The following COL4A5 variants were observed in gnomAD, a reference collection of about 807,000 sequenced individuals.
COL4A5 encodes the protein collagen alpha-5(IV) chain.
COL4A5 carries 26 observed loss-of-function variants against 130.2 expected under a neutral mutation model. The observed-to-expected ratio is 0.20, with a 90% CI of 0.15 to 0.28. COL4A5 has a LOEUF of 0.28. Ranked by LOEUF, COL4A5 falls within the 10% of genes least tolerant of loss-of-function variation. The pLI is 1.00. For missense variants in COL4A5, 1,131 were observed against 1,344.3 expected (o/e 0.84, Z 2.48); for synonymous variants, 496 against 439.6 (o/e 1.13, Z -1.60).
chrX:108,623,438 A>AT (rs761148320), intron 33 of COL4A5, among the ~76,000 whole-genome samples: 17 of 83,344 alleles, frequency 2.0e-4, no homozygotes, highest in Non-Finnish European at 4.4e-4. Context: ...GGGGTTTTCA[A>AT]TAAAAAAAAA....
At position 108,670,233 on chromosome X, in the gene COL4A5, A is replaced by G. The variant is rs772399584; in HGVS notation, c.3796A>G (p.Thr1266Ala). ...GAACTTTGATCCCTATCCAGGTCCT[A>G]CAGGTTAGCTCCTTAACTCCAAAGT... ...PQGPPGRPGP[T>A]GFQGLPGPEG... Residue 1266 changes from threonine to alanine, a missense_variant, in exon 42 of 53, where the codon ACA becomes GCA. Thr to Ala is a moderately conservative substitution (Grantham distance 58). Transcript: ENST00000328300. 9.1e-6 allele frequency: 11 copies of G among 1,209,179 alleles called. No individual in the cohort carries two copies. The African/African-American group carries it at 1.6e-4, about 17-fold the overall frequency.
At chrX:108,655,134 A>G (rs1284708694) in intron 36 of COL4A5, among the ~76,000 whole-genome samples, 197 bp from the exon 37 acceptor site, 1 of 111,995 alleles carries the variant, frequency 8.9e-6, no homozygotes, top group Admixed American at 9.5e-5. Flanking sequence ...GCTTCTCAAG[A>G]TTCAGTTTTC....
In COL4A5 at chrX:108,552,617, T is replaced by C. The variant is rs895831724; in HGVS notation, c.142-6447T>C. The stretch of plus-strand genomic sequence containing the variant: ...CTCATACCCTGAAAACTACAAAAAA[T>C]ATTGCGGTGAGAAATAAAAGAAGAC... On this transcript the variant is annotated intron_variant, in intron 2 of 52. Coordinates refer to ENST00000328300, the MANE Select transcript of COL4A5 (RefSeq NM_033380.3). Among the ~76,000 whole-genome samples, 6 of 111,642 alleles carry C rather than the reference T, an allele frequency of 5.4e-5. No individual in the cohort carries two copies. In the Admixed American group the frequency reaches 5.7e-4, roughly 11 times the overall value.
At position 108,680,807 on chromosome X, in the gene COL4A5, T is replaced by C. The variant is rs2068412164; in HGVS notation, c.4015+56T>C. The stretch of plus-strand genomic sequence containing the variant: ...TATATTAAACTCCTCTGGGACAAGA[T>C]AGCCATTTTCTGATTTGACTGGGTA... On this transcript the variant is annotated intron_variant, in intron 45 of 52. Coordinates refer to ENST00000328300, the MANE Select transcript of COL4A5 (RefSeq NM_033380.3). The C allele has an allele frequency of 4.2e-6, 5 of 1,182,803 alleles. No homozygotes were observed. In the African/African-American group the frequency reaches 7.1e-5, roughly 17 times the overall value.
rs1047277363 is a variant in COL4A5, at chrX:108,557,060, G to C, written c.142-2004G>C. ...TTATTCCTCTCTTATCTGTAGGCGA[G>C]ATAGCAGTTTTGCTTCTGAGAAAAT... On this transcript the variant is annotated intron_variant, in intron 2 of 52. Coordinates refer to ENST00000328300, the MANE Select transcript of COL4A5 (RefSeq NM_033380.3). Among the ~76,000 whole-genome samples the C allele has an allele frequency of 2.7e-5, 3 of 111,527 alleles. No homozygotes were observed. The East Asian group carries it at 8.4e-4, about 31-fold the overall frequency.
chrX:108,626,712 A>G, intron 36 of COL4A5: 1 of 910,754 alleles, frequency 1.1e-6, no homozygotes, highest in Non-Finnish European at 1.4e-6. Flanking sequence ...AAAGACTTAT[A>G]AACAAAGTGA....
At chrX:108,481,199 G>A (rs2064886629) in intron 1 of COL4A5, among the ~76,000 whole-genome samples, 1 of 111,205 alleles carries the variant, frequency 9.0e-6, no homozygotes, top group Non-Finnish European at 1.9e-5. Context: ...TGGGTCCCCT[G>A]GAATCAACAT....
At chrX:108,607,577 A>G (rs1329775351) in intron 29 of COL4A5, among the ~76,000 whole-genome samples, 1 of 92,462 alleles carries the variant, frequency 1.1e-5, no homozygotes. Flanking sequence ...TCCACCTCCC[A>G]GGTTCAAGCA....
At chrX:108,513,805 A>G (rs938570747) in intron 1 of COL4A5, among the ~76,000 whole-genome samples, 30 of 110,865 alleles carry the variant, frequency 2.7e-4, no homozygotes, top group African/African-American at 9.9e-4. Context: ...TTTGTTTTTT[A>G]TATGTTTGTT....
chrX:108,461,461 A>G (rs2064650837), intron 1 of COL4A5, among the ~76,000 whole-genome samples: 1 of 112,119 alleles, frequency 8.9e-6, no homozygotes, highest in Non-Finnish European at 1.9e-5. Flanking sequence ...TCAGGTTCCA[A>G]TTTAAGTTGG....
Position 108,620,274 on chromosome X carries a change from C to G in COL4A5, c.2525C>G (p.Pro842Arg). ...PIGQPGLHGI[P>R]GEKGDPGPPG... ...TATTAACTAGGTTTACATGGAATAC[C>G]AGGAGAGAAGGGGGATCCAGGACCT... The change falls in exon 31 of 53, where the codon CCA becomes CGA. Residue 842 changes from proline to arginine, a missense_variant. Transcript: ENST00000328300. The G allele has an allele frequency of 8.3e-7, 1 of 1,207,250 alleles. No individual in the cohort carries two copies. Among genetic ancestry groups the G allele is most frequent in the Non-Finnish European group, 1.1e-6 (1 of 892,502 alleles).
intron 1 of COL4A5, among the ~76,000 whole-genome samples, chrX:108,487,140 C>A (rs1425420179): frequency 4.5e-5 from 5 of 110,724 alleles, no homozygotes; most frequent in African/African-American, 1.6e-4. Context: ...GCCTGTAATC[C>A]CAGCACTTTG....
At chrX:108,628,082 T>G (rs1057112022) in intron 36 of COL4A5, among the ~76,000 whole-genome samples, 2 of 110,850 alleles carry the variant, frequency 1.8e-5, no homozygotes, top group Non-Finnish European at 3.8e-5. Context: ...TTGACAAACT[T>G]TCTTTATCAG....
At chrX:108,507,139 T>A (rs1391409782) in intron 1 of COL4A5, among the ~76,000 whole-genome samples, 1 of 106,372 alleles carries the variant, frequency 9.4e-6, no homozygotes, top group African/African-American at 3.5e-5. Context: ...ACACTGTTCC[T>A]ACTGAAACTA....
Position 108,681,898 on chromosome X carries a change from C to T in COL4A5, c.4216+10C>T, listed in dbSNP as rs759735924. ...CCTCAAGGCTTACCAGGTACCAATGCAGATCATCTTTATTATCATTATTAT... is the reference window on the plus strand; with the variant it reads ...CCTCAAGGCTTACCAGGTACCAATGTAGATCATCTTTATTATCATTATTAT... On this transcript the variant is annotated intron_variant, in intron 47 of 52. Coordinates refer to ENST00000328300, the MANE Select transcript of COL4A5 (RefSeq NM_033380.3). The T allele has an allele frequency of 1.6e-5, 19 of 1,196,179 alleles. 1 individual carries two copies. In the African/African-American group the frequency reaches 3.3e-4, roughly 21 times the overall value.
intron 42 of COL4A5, among the ~76,000 whole-genome samples, chrX:108,674,144 A>G (rs925413273): frequency 9.0e-6 from 1 of 111,327 alleles, no homozygotes; most frequent in African/African-American, 3.3e-5. Context: ...TTTCAAATAC[A>G]AGCAAAAGTA....
Position 108,665,517 on chromosome X carries a change from C to T in COL4A5, c.3384C>T (p.Gly1128=). The change falls in exon 38 of 53, where the codon GGC becomes GGT. Residue 1128 remains glycine, a synonymous_variant. Coordinates refer to ENST00000328300, the MANE Select transcript of COL4A5 (RefSeq NM_033380.3). ...PGLPGFPGTP[G]PPGPKGISGP... ...AGCTCTTTACTCTAGGAACCCCAGG[C>T]CCTCCTGGACCAAAAGGTATTAGTG... The T allele has an allele frequency of 8.3e-7, 1 of 1,205,466 alleles. No homozygotes were observed. Among genetic ancestry groups the T allele is most frequent in the Non-Finnish European group, 1.1e-6 (1 of 890,370 alleles).
At chrX:108,596,839 G>T (rs2066523823) in intron 22 of COL4A5, among the ~76,000 whole-genome samples, 159 bp from the exon 23 acceptor site, 1 of 111,868 alleles carries the variant, frequency 8.9e-6, no homozygotes, top group Non-Finnish European at 1.9e-5. Context: ...GAACATAAAA[G>T]GAAAATACAA....
intron 1 of COL4A5, among the ~76,000 whole-genome samples, chrX:108,539,350 G>A (rs955690683): frequency 8.9e-6 from 1 of 111,860 alleles, no homozygotes; most frequent in Non-Finnish European, 1.9e-5. Context: ...GGCTGTTAAT[G>A]TAAGAATAAT....
Sources: gnomAD v4.1 joint callset for allele counts (sites outside exome capture counted in the v4.1 genomes callset) on GRCh38, gnomAD v4.1.1 for gene constraint, MANE v1.5 for transcripts, NCBI Gene and HGNC (gene_info 2026-07-23, HGNC 2026-07-21) for gene names.